COL15A1: variants seen among roughly 807,000 people sequenced by gnomAD.
COL15A1 encodes collagen type XV alpha 1 chain.
COL15A1 carries 111 observed loss-of-function variants against 165.9 expected under a neutral mutation model. That is an observed-to-expected ratio of 0.67 (90% CI 0.57 to 0.78). COL15A1 has a LOEUF of 0.78. COL15A1 is among the 30% of genes least tolerant of loss of function. The pLI is 0.00. For synonymous variants in COL15A1, 659 were observed against 674.8 expected (o/e 0.98, Z 0.36); for missense variants, 1,745 against 1,789.7 (o/e 0.98, Z 0.45).
chr9:99,067,311 T>C (rs1825912089), intron 40 of COL15A1, among the ~76,000 whole-genome samples: 1 of 152,244 alleles, frequency 6.6e-6, no homozygotes, highest in Non-Finnish European at 1.5e-5. Flanking sequence ...TACAGGGTTT[T>C]CTTGTTTGTT....
chr9:99,029,722 G>A (rs921377265), intron 16 of COL15A1, among the ~76,000 whole-genome samples: 1 of 152,116 alleles, frequency 6.6e-6, no homozygotes, highest in African/African-American at 2.4e-5. Flanking sequence ...TCAGGAGTTT[G>A]AGACCAGCCT....
intron 2 of COL15A1, among the ~76,000 whole-genome samples, chr9:98,960,315 G>A (rs1020937339): frequency 1.3e-5 from 2 of 152,120 alleles, no homozygotes; most frequent in Non-Finnish European, 2.9e-5. Flanking sequence ...TGGGAGGATC[G>A]CTTGAGCCCA....
At chr9:99,039,575 C>A (rs1839365050) in intron 22 of COL15A1, among the ~76,000 whole-genome samples, 1 of 152,204 alleles carries the variant, frequency 6.6e-6, no homozygotes, top group Admixed American at 6.5e-5. Context: ...TGACTCATGG[C>A]ACAATGGCCC....
intron 5 of COL15A1, 140 bp downstream of exon 5, chr9:98,989,398 C>A: frequency 1.4e-6 from 1 of 691,202 alleles, no homozygotes. Context: ...CTGGGGGGGT[C>A]AGGAAAATAA....
At position 99,067,005 on chromosome 9, in the gene COL15A1, C is replaced by G; in HGVS notation, c.3775C>G (p.Gln1259Glu). Reference sequence around the variant, plus strand: ...CCGAGCATTCTTATCTTCCCATTTGCAAGATCTGTCCACCATTGTGAGGAA... The same window carrying G: ...CCGAGCATTCTTATCTTCCCATTTGGAAGATCTGTCCACCATTGTGAGGAA... ...TYRAFLSSHL[Q>E]DLSTIVRKAE... The change falls in exon 40 of 42, where the codon CAA becomes GAA. Residue 1259 changes from glutamine to glutamate, a missense_variant. By Grantham distance (29) the Gln-to-Glu change is conservative. Transcript: ENST00000375001. The G allele has an allele frequency of 6.2e-7, 1 of 1,614,124 alleles. No individual in the cohort carries two copies. Among genetic ancestry groups the G allele is most frequent in the Non-Finnish European group, 8.5e-7 (1 of 1,179,972 alleles).
intron 6 of COL15A1, chr9:98,997,744 T>C (rs4743305): frequency 0.49 from 74,647 of 152,214 alleles, 19,682 homozygotes; most frequent in African/African-American, 0.69. Context: ...TCCCCCTACC[T>C]GTGCAGAGGA....
intron 41 of COL15A1, among the ~76,000 whole-genome samples, 161 bp downstream of exon 41, chr9:99,068,831 G>A (rs4742758): frequency 0.26 from 38,888 of 152,102 alleles, 5,489 homozygotes; most frequent in East Asian, 0.6. Flanking sequence ...CTTGGAGTCA[G>A]AAGACCCAGG....
chr9:99,013,214 T>C (rs1838874597), intron 9 of COL15A1, among the ~76,000 whole-genome samples: 1 of 152,092 alleles, frequency 6.6e-6, no homozygotes, highest in Non-Finnish European at 1.5e-5. Context: ...AGCTCCTATA[T>C]GCACTTCCTG....
chr9:99,021,831 G>A (rs1010357475), intron 12 of COL15A1, among the ~76,000 whole-genome samples: 1 of 152,214 alleles, frequency 6.6e-6, no homozygotes, highest in African/African-American at 2.4e-5. Flanking sequence ...CTGGAAGAAG[G>A]GAGGGTGTGT....
Position 99,056,274 on chromosome 9 carries a change from G to C in COL15A1, c.3207G>C (p.Glu1069Asp), listed in dbSNP as rs1381959472. The change falls in exon 35 of 42, where the codon GAG becomes GAC. Residue 1069 changes from glutamate to aspartate, a missense_variant. By Grantham distance (45) the Glu-to-Asp change is conservative (BLOSUM62 2). Coordinates refer to ENST00000375001, the MANE Select transcript of COL15A1 (RefSeq NM_001855.5). ...TGCCTTGACAGGGCCAAAAAGGGGA[G>C]ACAGTCGTTGGGCCCCAAGGACCCC... ...GNPGPAGQKG[E>D]TVVGPQGPPG... 1 of 1,614,206 alleles carries C rather than the reference G, an allele frequency of 6.2e-7. No homozygotes were observed. Among genetic ancestry groups the C allele is most frequent in the Non-Finnish European group, 8.5e-7 (1 of 1,180,030 alleles).
chr9:99,016,627 A>G (rs1838939318), intron 11 of COL15A1, among the ~76,000 whole-genome samples: 1 of 152,246 alleles, frequency 6.6e-6, no homozygotes, highest in Non-Finnish European at 1.5e-5. Context: ...AGGTTGGAGA[A>G]CGTTTACAAA....
chr9:99,063,041 T>C lies in COL15A1; in HGVS notation c.3592-9T>C. 1.3e-6 allele frequency: 2 copies of C among 1,596,142 alleles called. No homozygotes were observed. The highest frequency in any genetic ancestry group is 1.7e-6 in the Non-Finnish European group (2 of 1,173,900). ...TCAGAACTGTTTCTTTTCCTCCTTT[T>C]CATAACAGCCACATCAGCTTCTGCC... On this transcript the variant is annotated splice_polypyrimidine_tract_variant and intron_variant, in intron 38 of 41. Transcript: ENST00000375001.
chr9:99,050,041 T>A, intron 30 of COL15A1, 146 bp downstream of exon 30: 1 of 1,063,314 alleles, frequency 9.4e-7, no homozygotes, highest in Non-Finnish European at 1.4e-6. Context: ...CTCAAGTGAC[T>A]AGAAGCTTTT....
chr9:99,020,050 G>T (rs1360737141), intron 11 of COL15A1, among the ~76,000 whole-genome samples: 1 of 152,210 alleles, frequency 6.6e-6, no homozygotes, highest in African/African-American at 2.4e-5. Context: ...AATATATGGA[G>T]AATGTTGCCC....
chr9:99,032,234 A>T (rs1320706326), intron 16 of COL15A1, among the ~76,000 whole-genome samples: 1 of 151,238 alleles, frequency 6.6e-6, no homozygotes, highest in Non-Finnish European at 1.5e-5. Context: ...TTATTTTTTG[A>T]GATGGAGTCA....
At chr9:98,998,106 A>G (rs1838579991) in intron 6 of COL15A1, among the ~76,000 whole-genome samples, 1 of 152,238 alleles carries the variant, frequency 6.6e-6, no homozygotes, top group Admixed American at 6.5e-5. Flanking sequence ...TGTTATTTAT[A>G]TCTATTTACA....
intron 17 of COL15A1, among the ~76,000 whole-genome samples, 161 bp from the exon 18 acceptor site, chr9:99,034,853 C>T (rs1839270422): frequency 6.6e-6 from 1 of 152,194 alleles, no homozygotes; most frequent in South Asian, 2.1e-4. Flanking sequence ...GGTGAACTGT[C>T]AATTAGCAAG....
intron 30 of COL15A1, among the ~76,000 whole-genome samples, 198 bp downstream of exon 30, chr9:99,050,093 G>A (rs1308868608): frequency 2.6e-5 from 4 of 152,184 alleles, no homozygotes; most frequent in Admixed American, 2.6e-4. Flanking sequence ...GATCTTCTAA[G>A]GGTGCACACA....
chr9:99,023,320 G>A, intron 13 of COL15A1, 37 bp from the exon 14 acceptor site: 1 of 1,571,412 alleles, frequency 6.4e-7, no homozygotes, highest in Non-Finnish European at 8.6e-7. Flanking sequence ...GAGTCTGGCA[G>A]TTAAATGCAA....
Sources: gnomAD v4.1 joint callset for allele counts (sites outside exome capture counted in the v4.1 genomes callset) on GRCh38, gnomAD v4.1.1 for gene constraint, MANE v1.5 for transcripts, NCBI Gene and HGNC (gene_info 2026-07-23, HGNC 2026-07-21) for gene names.